The following NEGR1 variants were observed in gnomAD, a reference collection of about 807,000 sequenced individuals.
NEGR1 encodes IgLON family member 4.
A neutral mutation model predicts 40.9 loss-of-function variants in NEGR1; 10 were observed. That is an observed-to-expected ratio of 0.24 (90% CI 0.15 to 0.42). The LOEUF (loss-of-function observed/expected upper bound fraction) is 0.42. Ranked by LOEUF, NEGR1 falls within the 10% of genes least tolerant of loss-of-function variation. The pLI is 1.00. For synonymous variants in NEGR1, 185 were observed against 166.8 expected (o/e 1.11, Z -0.84); for missense variants, 352 against 438.9 (o/e 0.80, Z 1.77).
At chr1:71,527,431 C>CCATA (rs1473025530) in intron 6 of NEGR1, among the ~76,000 whole-genome samples, 3 of 150,864 alleles carry the variant, frequency 2.0e-5, no homozygotes, top group African/African-American at 7.3e-5. Context: ...ATCCATCCAT[C>CCATA]CATCCATCCA....
intron 5 of NEGR1, among the ~76,000 whole-genome samples, chr1:71,604,244 C>T (rs1650013013): frequency 6.6e-6 from 1 of 152,080 alleles, no homozygotes; most frequent in African/African-American, 2.4e-5. Flanking sequence ...CGAATGTGAA[C>T]ATTTTGCAAA....
chr1:71,509,559 C>T (rs962924372), intron 6 of NEGR1, among the ~76,000 whole-genome samples: 4 of 152,208 alleles, frequency 2.6e-5, no homozygotes, highest in African/African-American at 9.6e-5. Flanking sequence ...TGGACCAGGA[C>T]TTATGCTTCA....
chr1:71,845,923 C>CTTTTTT (rs368324879), intron 2 of NEGR1, among the ~76,000 whole-genome samples: 1 of 110,696 alleles, frequency 9.0e-6, no homozygotes, highest in East Asian at 2.7e-4. Flanking sequence ...CGGCACCTGG[C>CTTTTTT]TTTTTTTTTT....
At chr1:72,259,876 C>G (rs1046032961) in intron 1 of NEGR1, among the ~76,000 whole-genome samples, 6 of 152,016 alleles carry the variant, frequency 3.9e-5, no homozygotes, top group African/African-American at 1.2e-4. Flanking sequence ...TTAATGCTCA[C>G]CTTTTCTTTT....
chr1:71,776,183 A>T lies in NEGR1; in HGVS notation c.524T>A (p.Ile175Asn). 6.2e-7 allele frequency: 1 copy of T among 1,609,746 alleles called. No individual in the cohort carries two copies. Among genetic ancestry groups the T allele is most frequent in the Non-Finnish European group, 8.5e-7 (1 of 1,177,598 alleles). ...CATTCCTACTTTACCTGATGGGGAGATGTGTCGCCAAGAAATGGAAGGCTC... is the reference window on the plus strand; with the variant it reads ...CATTCCTACTTTACCTGATGGGGAGTTGTGTCGCCAAGAAATGGAAGGCTC... ...KPEPSISWRH[I>N]SPSAKPFENG... The change falls in exon 3 of 7, where the codon ATC becomes AAC. Residue 175 changes from isoleucine (I) to asparagine (N), a missense_variant. Around this residue, in one of 5 missense-constraint regions of NEGR1, gnomAD observed 7 missense variants for 26.9 expected, o/e 0.26. Coordinates refer to ENST00000357731, the MANE Select transcript of NEGR1 (RefSeq NM_173808.3).
chr1:71,932,418 G>C (rs184509403), intron 2 of NEGR1, among the ~76,000 whole-genome samples: 177 of 151,900 alleles, frequency 1.2e-3, no homozygotes, highest in African/African-American at 4.1e-3. Context: ...TAATTGCCTA[G>C]TTTATGCAGG....
At chr1:71,580,993 C>A (rs940348785) in intron 6 of NEGR1, among the ~76,000 whole-genome samples, 3 of 152,112 alleles carry the variant, frequency 2.0e-5, no homozygotes, top group Non-Finnish European at 2.9e-5. Context: ...AAATTGAATT[C>A]TATAAGTTTA....
chr1:72,034,182 T>A (rs1646883048), intron 1 of NEGR1, among the ~76,000 whole-genome samples: 1 of 152,174 alleles, frequency 6.6e-6, no homozygotes, highest in Non-Finnish European at 1.5e-5. Context: ...ATCTTCAGAA[T>A]CCTCTTATTT....
intron 6 of NEGR1, among the ~76,000 whole-genome samples, chr1:71,428,859 T>G (rs961239963): frequency 6.6e-6 from 1 of 151,916 alleles, no homozygotes; most frequent in African/African-American, 2.4e-5. Context: ...GCAACAAATG[T>G]AAAGGCTTAA....
intron 2 of NEGR1, among the ~76,000 whole-genome samples, chr1:71,875,424 T>C (rs1660397713): frequency 6.6e-6 from 1 of 152,180 alleles, no homozygotes; most frequent in Admixed American, 6.6e-5. Context: ...AGATATCTGG[T>C]CATTCTGAGT....
intron 1 of NEGR1, among the ~76,000 whole-genome samples, chr1:72,005,400 G>T (rs905025522): frequency 6.6e-6 from 1 of 151,934 alleles, no homozygotes; most frequent in African/African-American, 2.4e-5. Context: ...AAACCCTAAA[G>T]ATTACATACT....
intron 6 of NEGR1, among the ~76,000 whole-genome samples, chr1:71,589,368 C>T (rs949643517): frequency 1.3e-5 from 2 of 152,126 alleles, no homozygotes; most frequent in Non-Finnish European, 2.9e-5. Flanking sequence ...GTAATCTTAT[C>T]ACTCTACATG....
intron 4 of NEGR1, among the ~76,000 whole-genome samples, chr1:71,668,719 A>G (rs1044918867): frequency 6.6e-6 from 1 of 152,122 alleles, no homozygotes; most frequent in African/African-American, 2.4e-5. Flanking sequence ...GAAAAGAACA[A>G]AAAATGAGAA....
chr1:72,200,236 A>T (rs540658821), intron 1 of NEGR1, among the ~76,000 whole-genome samples: 2 of 152,122 alleles, frequency 1.3e-5, no homozygotes, highest in South Asian at 4.1e-4. Flanking sequence ...TCACAGTGCT[A>T]TTCACAATAT....
rs879449144 is a variant in NEGR1 at position 71,401,067 on chromosome 1, G to T, written c.*6379C>A. On this transcript the variant is annotated 3_prime_UTR_variant, in exon 7 of 7. Transcript: ENST00000357731. ...AATTATGTCTCTTCATTGCAGAGAAGAATTTTTGCTGAAATGAAAAACCAC... is the reference window on the plus strand; with the variant it reads ...AATTATGTCTCTTCATTGCAGAGAATAATTTTTGCTGAAATGAAAAACCAC... The T allele has an allele frequency of 6.6e-6, 1 of 152,128 alleles. No homozygotes were observed. Among genetic ancestry groups the T allele is most frequent in the Non-Finnish European group, 1.5e-5 (1 of 68,016 alleles). 9.4% of individuals were successfully genotyped at this position (152,128 alleles called of 1,614,324 possible).
intron 4 of NEGR1, among the ~76,000 whole-genome samples, chr1:71,673,222 A>G (rs1334489552): frequency 6.6e-6 from 1 of 152,112 alleles, no homozygotes; most frequent in Non-Finnish European, 1.5e-5. Flanking sequence ...GCATCTCCAA[A>G]AAAAAACAAC....
intron 2 of NEGR1, among the ~76,000 whole-genome samples, chr1:71,873,713 G>C (rs1286642616): frequency 6.6e-6 from 1 of 152,136 alleles, no homozygotes; most frequent in Non-Finnish European, 1.5e-5. Flanking sequence ...AAAAACGTTA[G>C]TAGACTATGA....
At chr1:72,269,901 G>A (rs115374642) in intron 1 of NEGR1, among the ~76,000 whole-genome samples, 1,912 of 151,612 alleles carry the variant, frequency 0.013, 39 homozygotes, top group African/African-American at 0.044. Context: ...ACAATTTCAC[G>A]TTTCTTCAAC....
At chr1:71,812,883 T>C (rs1199562670) in intron 2 of NEGR1, among the ~76,000 whole-genome samples, 1 of 152,146 alleles carries the variant, frequency 6.6e-6, no homozygotes, top group Admixed American at 6.6e-5. Flanking sequence ...GATAGTTTCT[T>C]TTGTTGGGCT....
Sources: gnomAD v4.1 joint callset for allele counts (sites outside exome capture counted in the v4.1 genomes callset) on GRCh38, gnomAD v4.1.1 for gene constraint, gnomAD v4.1.1 regional missense constraint, MANE v1.5 for transcripts, NCBI Gene and HGNC (gene_info 2026-07-23, HGNC 2026-07-21) for gene names.